The following GPR171 variants were observed in gnomAD, a reference collection of about 807,000 sequenced individuals.
GPR171 encodes the protein F730001G15Rik.
GPR171 carries 14 observed loss-of-function variants against 16.7 expected under a neutral mutation model. That is an observed-to-expected ratio of 0.84 (90% confidence interval 0.55 to 1.31). The LOEUF is 1.31. Among genes scored for constraint, GPR171 ranks in the 40% most tolerant of loss-of-function variants. The pLI, the probability that GPR171 is intolerant of heterozygous loss-of-function variation, is 0.00. For missense variants in GPR171, 337 were observed against 378.9 expected, an observed-to-expected ratio of 0.89 and a Z score of 0.92; for synonymous variants, 134 against 135.6, an observed-to-expected ratio of 0.99 and a Z score of 0.08.
Position 151,198,793 on chromosome 3 carries a change from G to A in GPR171, c.594C>T (p.Ser198=). 6.2e-7 allele frequency: 1 copy of A among 1,613,310 alleles called. No individual in the cohort carries two copies. ...AGAGCTGTCGAATTACAAGGCAATT[G>A]GATATTAAAATGATGGCTGAGAAAT... is the stretch of plus-strand genomic sequence containing the variant. ...FLNFSAIILI[S]NCLVIRQLYR... Residue 198 remains serine (S), a synonymous_variant, in exon 3 of 3, where the codon TCC becomes TCT. Coordinates refer to ENST00000309180, the MANE Select transcript of GPR171 (RefSeq NM_013308.4).
Position 151,201,793 on chromosome 3 carries a change from A to T in GPR171, c.-142-796T>A, listed in dbSNP as rs142505527. ...ATGTGAAAAACTAGTATTCGTGTGC[A>T]TTGATATAGTGTCACATCTTTGCTT... On this transcript the variant is annotated intron_variant, in intron 1 of 2. Coordinates refer to ENST00000309180, the MANE Select transcript of GPR171 (RefSeq NM_013308.4). Among the ~76,000 whole-genome samples the T allele has an allele frequency of 4.5e-4, 68 of 152,362 alleles. 1 individual carries two copies. The highest frequency in any genetic ancestry group is 1.5e-3 in the African/African-American group (64 of 41,582).
chr3:151,199,318 T>G lies in GPR171; in HGVS notation c.69A>C (p.Leu23Phe). ...TTCCAATAATTCCAACAAGGAAAAC[T>G]AAATAAAAAAAATACGTGAATGGCT... ...DLEPFTYFFYLVFLVGIIGSC... is the reference protein window; with the variant it reads ...DLEPFTYFFYFVFLVGIIGSC... Residue 23 changes from leucine to phenylalanine, a missense_variant, in exon 3 of 3, where the codon TTA becomes TTC. By Grantham distance (22) the Leu-to-Phe change is conservative. Transcript: ENST00000309180. The G allele has an allele frequency of 1.2e-6, 2 of 1,613,424 alleles. No individual in the cohort carries two copies. The highest frequency in any genetic ancestry group is 1.7e-6 in the Non-Finnish European group (2 of 1,179,528).
rs201839009 is a variant in GPR171 at position 151,201,217 on chromosome 3, GCA to G, written c.-142-222_-142-221del. Reference sequence around the variant, plus strand: ...TGCTGTTCTATGCATACAACCACGTGCACACACTCTCTCTCTCTCTCTCTCTC... The same window carrying G: ...TGCTGTTCTATGCATACAACCACGTGCACACTCTCTCTCTCTCTCTCTCTC... On this transcript the variant is annotated intron_variant, in intron 1 of 2. Coordinates refer to ENST00000309180, the MANE Select transcript of GPR171 (RefSeq NM_013308.4). Among the ~76,000 whole-genome samples the G allele has an allele frequency of 9.3e-5, 14 of 150,968 alleles. No homozygotes were observed. In the South Asian group the frequency reaches 2.8e-3, roughly 30 times the overall value.
At chr3:151,201,052 A>G (rs936968283) in intron 1 of GPR171, 55 bp from the exon 2 acceptor site, 1 of 152,220 alleles carries the variant, frequency 6.6e-6, no homozygotes, top group Non-Finnish European at 1.5e-5. Context: ...TTATTATTAT[A>G]TCTGCCAGTC....
At position 151,198,635 on chromosome 3, in the gene GPR171, G is replaced by C. The variant is rs185341982; in HGVS notation, c.752C>G (p.Thr251Arg). 3 of 1,613,944 alleles carry C rather than the reference G, an allele frequency of 1.9e-6. No individual in the cohort carries two copies. The highest frequency in any genetic ancestry group is 2.2e-5 in the East Asian group (1 of 44,884). ...GGTTGAGCAATCAGTTATGACTTCTGTCTGGCTGAGGGTATACGGGATTCG... is the reference window on the plus strand; with the variant it reads ...GGTTGAGCAATCAGTTATGACTTCTCTCTGGCTGAGGGTATACGGGATTCG... ...IVRIPYTLSQ[T>R]EVITDCSTRI... is the part of the protein sequence containing the mutation. Residue 251 changes from threonine to arginine, a missense_variant, in exon 3 of 3, where the codon ACA (threonine) becomes AGA (arginine). By Grantham distance (71) the Thr-to-Arg change is moderately conservative. Transcript: ENST00000309180.
rs1412886141 is a variant in GPR171 at position 151,199,108 on chromosome 3, G to A, written c.279C>T (p.Leu93=). ...KIFHCQVTAC[L]IYINMYLSII... ...TTGATAAATACATATTGATATAGAT[G>A]AGGCAGGCTGTTACTTGGCAGTGGA... Residue 93 remains leucine (L), a synonymous_variant, in exon 3 of 3, where the codon CTC becomes CTT. Coordinates refer to ENST00000309180, the MANE Select transcript of GPR171 (RefSeq NM_013308.4). 6.2e-7 allele frequency: 1 copy of A among 1,614,036 alleles called. No homozygotes were observed. Among genetic ancestry groups the A allele is most frequent in the South Asian group, 1.1e-5 (1 of 91,082 alleles).
At chr3:151,202,147 GAAAC>G (rs377127809) in intron 1 of GPR171, among the ~76,000 whole-genome samples, 2 of 152,184 alleles carry the variant, frequency 1.3e-5, no homozygotes, top group Non-Finnish European at 2.9e-5. Context: ...ATTGCAGTGA[GAAAC>G]AAATCTGTTT....
Position 151,199,350 on chromosome 3 carries a change from C to G in GPR171, c.37G>C (p.Asp13His). The G allele has an allele frequency of 6.2e-7, 1 of 1,612,818 alleles. No homozygotes were observed. Among genetic ancestry groups the G allele is most frequent in the Non-Finnish European group, 8.5e-7 (1 of 1,179,520 alleles). Residue 13 changes from aspartate (D) to histidine (H), a missense_variant, in exon 3 of 3, where the codon GAT (aspartate) becomes CAT (histidine). Transcript: ENST00000309180. Reference protein sequence around the residue: ...NSSFFCPVYKDLEPFTYFFYL... With the variant: ...NSSFFCPVYKHLEPFTYFFYL... ...AAAAAATACGTGAATGGCTCCAGAT[C>G]TTTATAAACTGGGCAGAAGAACGAA...
In GPR171 at chr3:151,199,180, C is replaced by T. The variant is rs756754600; in HGVS notation, c.207G>A (p.Val69=). Residue 69 remains valine (V), a synonymous_variant, in exon 3 of 3, where the codon GTG becomes GTA. Coordinates refer to ENST00000309180, the MANE Select transcript of GPR171 (RefSeq NM_013308.4). The part of the protein sequence containing the change: ...ADFLLTLALP[V]KIVVDLGVAP... Reference sequence around the variant, plus strand: ...CCACACCCAAGTCAACAACAATTTTCACTGGTAATGCCAGAGTAAGCAGGA... The same window carrying T: ...CCACACCCAAGTCAACAACAATTTTTACTGGTAATGCCAGAGTAAGCAGGA... 3 of 1,614,178 alleles carry T rather than the reference C, an allele frequency of 1.9e-6. No individual in the cohort carries two copies. Among genetic ancestry groups the T allele is most frequent in the Non-Finnish European group, 2.5e-6 (3 of 1,180,024 alleles).
chr3:151,203,063 G>A (rs1355241873), intron 1 of GPR171, 41 bp downstream of exon 1: 1 of 151,800 alleles, frequency 6.6e-6, no homozygotes, highest in African/African-American at 2.4e-5. Context: ...TGTTTTCCAC[G>A]GAAAAGCATT....
At position 151,198,331 on chromosome 3, in the gene GPR171, AGTTTTTTTTT is replaced by A; in HGVS notation, c.*86_*95del. On this transcript the variant is annotated 3_prime_UTR_variant, in exon 3 of 3. Coordinates refer to ENST00000309180, the MANE Select transcript of GPR171 (RefSeq NM_013308.4). Reference sequence around the variant, plus strand: ...TAGCTAACTGTATTTTTTCATACTGAGTTTTTTTTTGTTTTTTTTTTTTTTATCTTTCAAA... The same window carrying A: ...TAGCTAACTGTATTTTTTCATACTGAGTTTTTTTTTTTTTTATCTTTCAAA... The A allele has an allele frequency of 1.1e-5, 10 of 911,768 alleles. No homozygotes were observed. The highest frequency in any genetic ancestry group is 1.6e-5 in the Non-Finnish European group (10 of 642,902). The allele number at this position is 911,768 out of a possible 1,614,324, so 56.5% of individuals were successfully genotyped here.
At chr3:151,202,516 CA>C (rs1576956849) in intron 1 of GPR171, among the ~76,000 whole-genome samples, 1 of 152,188 alleles carries the variant, frequency 6.6e-6, no homozygotes, top group East Asian at 1.9e-4. Flanking sequence ...ACTAAAAATA[CA>C]AAAATTAGCC....
intron 1 of GPR171, among the ~76,000 whole-genome samples, chr3:151,201,965 G>T (rs541476333): frequency 6.6e-6 from 1 of 152,180 alleles, no homozygotes; most frequent in African/African-American, 2.4e-5. Context: ...AGACGTATAT[G>T]GTAAAGAGAA....
At chr3:151,201,541 C>T (rs1725591076) in intron 1 of GPR171, among the ~76,000 whole-genome samples, 1 of 152,192 alleles carries the variant, frequency 6.6e-6, no homozygotes, top group Non-Finnish European at 1.5e-5. Context: ...TGGTGTGTTC[C>T]TCAAGCTTTC....
intron 1 of GPR171, among the ~76,000 whole-genome samples, chr3:151,201,771 T>A (rs1576954622): frequency 1.3e-5 from 2 of 152,246 alleles, no homozygotes; most frequent in East Asian, 3.8e-4. Flanking sequence ...CTTCTTTATG[T>A]GAAAAACTAG....
chr3:151,200,942 G>A lies in GPR171; in HGVS notation c.-87C>T, dbSNP rs926471465. 1 of 152,102 alleles carries A rather than the reference G, an allele frequency of 6.6e-6. No individual in the cohort carries two copies. The highest frequency in any genetic ancestry group is 1.5e-5 in the Non-Finnish European group (1 of 68,028). 9.4% of individuals were successfully genotyped at this position (152,102 alleles called of 1,614,324 possible). A position where few individuals can be genotyped will look rare whatever the true frequency, so the allele number is the denominator to read the frequency against. On this transcript the variant is annotated 5_prime_UTR_variant, in exon 2 of 3. Coordinates refer to ENST00000309180, the MANE Select transcript of GPR171 (RefSeq NM_013308.4). ...GTGTAGCTGGTAAGATATAAAGCCAGGATTCCAGCTCAGTCAGTCTGATCT... is the reference window on the plus strand; with the variant it reads ...GTGTAGCTGGTAAGATATAAAGCCAAGATTCCAGCTCAGTCAGTCTGATCT...
In GPR171 at chr3:151,198,926, A is replaced by G. The variant is rs1185096207; in HGVS notation, c.461T>C (p.Ile154Thr). 1 of 1,613,834 alleles carries G rather than the reference A, an allele frequency of 6.2e-7. No individual in the cohort carries two copies. The highest frequency in any genetic ancestry group is 1.7e-5 in the Admixed American group (1 of 60,000). Residue 154 changes from isoleucine to threonine, a missense_variant, in exon 3 of 3, where the codon ATC becomes ACC. By Grantham distance (89) the Ile-to-Thr change is moderately conservative (BLOSUM62 -1). Transcript: ENST00000309180. ...ATTTGACTTTTCCTTGATGTCTTTG[A>G]TGGGAATCATCATATTTGGCACCAT... ...LIMVPNMMIP[I>T]KDIKEKSNVG...
rs376263817 is a variant in GPR171, at chr3:151,198,862, A to G, written c.525T>C (p.Asn175=). 38 of 1,614,006 alleles carry G rather than the reference A, an allele frequency of 2.4e-5. No individual in the cohort carries two copies. Among genetic ancestry groups the G allele is most frequent in the Middle Eastern group, 1.6e-4 (1 of 6,062 alleles). The part of the protein sequence containing the change: ...CMEFKKEFGR[N]WHLLTNFICV... ...ATATGAAATTTGTCAGCAAATGCCA[A>G]TTTCTTCCAAATTCCTTTTTAAACT... is the stretch of plus-strand genomic sequence containing the variant. The change falls in exon 3 of 3, where the codon AAT becomes AAC. Residue 175 remains asparagine (N), a synonymous_variant. Transcript: ENST00000309180.
rs1393413069 is a variant in GPR171 at position 151,198,961 on chromosome 3, G to T, written c.426C>A (p.Val142=). The change falls in exon 3 of 3, where the codon GTC becomes GTA. Residue 142 remains valine, a synonymous_variant. Transcript: ENST00000309180. ...TCATATTTGGCACCATTATAAGAAG[G>T]ACCATTAGCCACACAACGGTTGATA... The part of the protein sequence containing the change: ...KMISTVVWLM[V]LLIMVPNMMI... 6.2e-7 allele frequency: 1 copy of T among 1,613,762 alleles called. No individual in the cohort carries two copies. The highest frequency in any genetic ancestry group is 1.1e-5 in the South Asian group (1 of 91,076).
Sources: gnomAD v4.1 joint callset for allele counts (sites outside exome capture counted in the v4.1 genomes callset) on GRCh38, gnomAD v4.1.1 for gene constraint, MANE v1.5 for transcripts, NCBI Gene and HGNC (gene_info 2026-07-23, HGNC 2026-07-21) for gene names.